The following ACBD6 variants were observed in gnomAD, a reference collection of about 807,000 sequenced individuals.
The protein encoded by ACBD6 is acyl-CoA binding domain containing 6.
Under a neutral mutation model 37.2 loss-of-function variants are expected in ACBD6, and 28 were observed. The observed-to-expected ratio is 0.75, with a 90% CI of 0.56 to 1.03. The LOEUF (loss-of-function observed/expected upper bound fraction) is 1.03, where lower values mean the gene tolerates loss of function less well. Ranked by LOEUF, ACBD6 falls within the 50% of genes least tolerant of loss-of-function variation. The probability of loss-of-function intolerance (pLI) is 0.00; values close to 1 mark genes in which losing one functional copy is unlikely to be tolerated. For missense variants in ACBD6, 340 were observed against 337.4 expected (o/e 1.01, Z -0.06); for synonymous variants, 113 against 126.8 (o/e 0.89, Z 0.73).
intron 6 of ACBD6, among the ~76,000 whole-genome samples, chr1:180,328,793 TG>T (rs1651360631): frequency 6.6e-6 from 1 of 152,084 alleles, no homozygotes; most frequent in Non-Finnish European, 1.5e-5. Context: ...CTATAATAGA[TG>T]ATTAATCTGA....
At chr1:180,414,065 C>G (rs1173673181) in intron 4 of ACBD6, among the ~76,000 whole-genome samples, 1 of 152,192 alleles carries the variant, frequency 6.6e-6, no homozygotes, top group Non-Finnish European at 1.5e-5. Context: ...TTTGACTAAT[C>G]AGCTGCAGTC....
At chr1:180,303,638 C>G (rs1299089975) in intron 7 of ACBD6, among the ~76,000 whole-genome samples, 1 of 150,530 alleles carries the variant, frequency 6.6e-6, no homozygotes, top group Non-Finnish European at 1.5e-5. Context: ...AAAAAAAGTC[C>G]AGGACCAGAT....
chr1:180,475,639 C>T (rs1650749420), intron 3 of ACBD6, among the ~76,000 whole-genome samples: 6 of 152,252 alleles, frequency 3.9e-5, no homozygotes, highest in Admixed American at 3.9e-4. Context: ...CCCATCCTGG[C>T]CTCCCGAAGT....
intron 7 of ACBD6, 87 bp from the exon 8 acceptor site, chr1:180,288,604 C>T: frequency 6.9e-7 from 1 of 1,447,152 alleles, no homozygotes; most frequent in Non-Finnish European, 9.5e-7. Context: ...AAGTGCTGAG[C>T]AATAAGGAAT....
intron 3 of ACBD6, among the ~76,000 whole-genome samples, chr1:180,461,118 T>C (rs573319222): frequency 6.6e-6 from 1 of 152,154 alleles, no homozygotes; most frequent in Non-Finnish European, 1.5e-5. Context: ...CAAGTATTAA[T>C]AGCAGAAGAG....
intron 2 of ACBD6, among the ~76,000 whole-genome samples, chr1:180,493,139 T>C (rs1651571536): frequency 6.7e-6 from 1 of 150,370 alleles, no homozygotes; most frequent in African/African-American, 2.4e-5. Context: ...GTCCAGCTAC[T>C]CTGGAGGCCG....
At chr1:180,274,310 T>C in intron 10 of ACBD6, 1 of 1,614,240 alleles carries the variant, frequency 6.2e-7, no homozygotes, top group South Asian at 1.1e-5. Context: ...CTATCAGGAC[T>C]TGAGGGATGG....
At chr1:180,434,101 C>A (rs1648921943) in intron 3 of ACBD6, among the ~76,000 whole-genome samples, 1 of 152,096 alleles carries the variant, frequency 6.6e-6, no homozygotes, top group African/African-American at 2.4e-5. Context: ...CCAAAGAAAC[C>A]TGAAAAACTA....
At chr1:180,291,969 T>C in intron 7 of ACBD6, among the ~76,000 whole-genome samples, 1 of 152,208 alleles carries the variant, frequency 6.6e-6, no homozygotes, top group East Asian at 1.9e-4. Flanking sequence ...TTGGCATTTT[T>C]GTCAAAAATC....
intron 7 of ACBD6, among the ~76,000 whole-genome samples, chr1:180,294,915 T>C (rs570675800): frequency 1.1e-3 from 174 of 152,090 alleles, no homozygotes; most frequent in African/African-American, 4.1e-3. Context: ...CCAGGCTGGG[T>C]CTCGAACTCT....
chr1:180,386,112 G>T (rs1653837374), intron 6 of ACBD6, among the ~76,000 whole-genome samples: 1 of 152,218 alleles, frequency 6.6e-6, no homozygotes, highest in African/African-American at 2.4e-5. Flanking sequence ...AGAGGTTGCA[G>T]TGAGCCAAGA....
chr1:180,336,732 T>C (rs1474597244), intron 6 of ACBD6, among the ~76,000 whole-genome samples: 2 of 151,454 alleles, frequency 1.3e-5, no homozygotes, highest in Non-Finnish European at 3.0e-5. Context: ...GAGCTGGTTT[T>C]TTGAAAAAAA....
chr1:180,448,650 C>A (rs141573299), intron 3 of ACBD6, among the ~76,000 whole-genome samples: 1 of 152,260 alleles, frequency 6.6e-6, no homozygotes, highest in East Asian at 1.9e-4. Flanking sequence ...GAGAACGTTA[C>A]CATGAACCTC....
intron 7 of ACBD6, among the ~76,000 whole-genome samples, chr1:180,313,160 T>C (rs1650659698): frequency 6.6e-6 from 1 of 152,204 alleles, no homozygotes; most frequent in Admixed American, 6.5e-5. Flanking sequence ...TAAAAATATG[T>C]TGATGGATTT....
At chr1:180,338,827 T>C (rs1651851138) in intron 6 of ACBD6, among the ~76,000 whole-genome samples, 1 of 152,012 alleles carries the variant, frequency 6.6e-6, no homozygotes, top group Non-Finnish European at 1.5e-5. Flanking sequence ...CTCAAACAAA[T>C]TTATAAGAAA....
chr1:180,331,991 T>C (rs1651504065), intron 6 of ACBD6, among the ~76,000 whole-genome samples: 1 of 152,202 alleles, frequency 6.6e-6, no homozygotes, highest in Admixed American at 6.5e-5. Context: ...GTTATGAGTT[T>C]AATTGTGTCT....
At position 180,295,372 on chromosome 1, in the gene ACBD6, C is replaced by T. The variant is rs1649877748; in HGVS notation, c.695-6855G>A. On this transcript the variant is annotated intron_variant, in intron 7 of 7. Coordinates refer to ENST00000367595, the MANE Select transcript of ACBD6 (RefSeq NM_032360.4). ...TGCAACCTCTGCCTCCCTGGCCTGGCTTAAGCGATTCTCCTGCCTCAGCCT... is the reference window on the plus strand; with the variant it reads ...TGCAACCTCTGCCTCCCTGGCCTGGTTTAAGCGATTCTCCTGCCTCAGCCT... 3.3e-5 allele frequency among the ~76,000 whole-genome samples: 5 copies of T among 151,332 alleles called. No homozygotes were observed. The South Asian group carries it at 1.0e-3, about 31-fold the overall frequency.
At chr1:180,438,488 T>C (rs1247069911) in intron 3 of ACBD6, 1 of 152,844 alleles carries the variant, frequency 6.5e-6, no homozygotes, top group African/African-American at 2.4e-5. Context: ...TGGGAAGAGA[T>C]AGCTATGGTC....
At chr1:180,370,231 G>A (rs1653204727) in intron 6 of ACBD6, among the ~76,000 whole-genome samples, 1 of 152,144 alleles carries the variant, frequency 6.6e-6, no homozygotes, top group Non-Finnish European at 1.5e-5. Flanking sequence ...GGGTTTAAAG[G>A]GAGGTTGTAG....
Sources: gnomAD v4.1 joint callset for allele counts (sites outside exome capture counted in the v4.1 genomes callset) on GRCh38, gnomAD v4.1.1 for gene constraint, MANE v1.5 for transcripts, NCBI Gene and HGNC (gene_info 2026-07-23, HGNC 2026-07-21) for gene names.